The following PRTFDC1 variants were observed in gnomAD, a reference collection of about 807,000 sequenced individuals.
PRTFDC1 encodes the protein phosphoribosyltransferase domain-containing protein 1.
Under a neutral mutation model 34.6 loss-of-function variants are expected in PRTFDC1, and 38 were observed. The observed-to-expected ratio is 1.10, with a 90% CI of 0.85 to 1.44. PRTFDC1 has a LOEUF of 1.44. PRTFDC1 is among the 40% of genes most tolerant of loss of function. The pLI, the probability that PRTFDC1 is intolerant of heterozygous loss-of-function variation, is 0.00. For synonymous variants in PRTFDC1, 93 were observed against 98.1 expected, an observed-to-expected ratio of 0.95 and a Z score of 0.31; for missense variants, 270 against 283.0, an observed-to-expected ratio of 0.95 and a Z score of 0.33.
intron 3 of PRTFDC1, among the ~76,000 whole-genome samples, chr10:24,920,740 A>G (rs933234208): frequency 4.6e-5 from 7 of 152,192 alleles, no homozygotes; most frequent in African/African-American, 1.7e-4. Flanking sequence ...TAGTAGATGT[A>G]TTCTGCATAG....
At chr10:24,909,948 T>C (rs528634406) in intron 3 of PRTFDC1, among the ~76,000 whole-genome samples, 5 of 151,002 alleles carry the variant, frequency 3.3e-5, no homozygotes, top group Admixed American at 2.0e-4. Context: ...GTCGGGAGTT[T>C]GAGACAAGCC....
chr10:24,911,993 G>A (rs1286163097), intron 3 of PRTFDC1, among the ~76,000 whole-genome samples: 1 of 152,074 alleles, frequency 6.6e-6, no homozygotes. Context: ...TGCCTGCTGG[G>A]TGCTGTGGCT....
At chr10:24,912,131 C>T (rs1017881686) in intron 3 of PRTFDC1, among the ~76,000 whole-genome samples, 10 of 149,470 alleles carry the variant, frequency 6.7e-5, no homozygotes, top group African/African-American at 2.2e-4. Flanking sequence ...TGGCCAGATA[C>T]GGTGGTGCAT....
At chr10:24,914,951 C>T (rs1265025724) in intron 3 of PRTFDC1, among the ~76,000 whole-genome samples, 1 of 152,172 alleles carries the variant, frequency 6.6e-6, no homozygotes, top group Non-Finnish European at 1.5e-5. Flanking sequence ...AAAATCTTCT[C>T]ATAGGGGTCA....
At chr10:24,878,421 C>T (rs1191102413) in intron 3 of PRTFDC1, among the ~76,000 whole-genome samples, 2 of 152,198 alleles carry the variant, frequency 1.3e-5, no homozygotes, top group African/African-American at 2.4e-5. Flanking sequence ...ATAGTGGGTC[C>T]TCCCTGGAGA....
At chr10:24,908,893 G>A in intron 3 of PRTFDC1, 1 of 687,750 alleles carries the variant, frequency 1.5e-6, no homozygotes, top group Non-Finnish European at 2.3e-6. Context: ...ATGCAGGATG[G>A]AGGTCAGTTG....
intron 3 of PRTFDC1, among the ~76,000 whole-genome samples, chr10:24,895,255 T>TTTTTTC (rs1307081865): frequency 7.2e-6 from 1 of 137,950 alleles, no homozygotes; most frequent in South Asian, 2.4e-4. Flanking sequence ...TCCACTTTCT[T>TTTTTTC]TTTTTTTTTT....
chr10:24,925,338 C>T lies in PRTFDC1; in HGVS notation c.339+11846G>A, dbSNP rs190231707. 2.0e-3 allele frequency among the ~76,000 whole-genome samples: 298 copies of T among 151,848 alleles called. 2 individuals are homozygous for T. The highest frequency in any genetic ancestry group is 6.9e-3 in the African/African-American group (285 of 41,370). ...CTGTGGAGGGGGTGTCGGGGGCTGG[C>T]GGAGGGATAGCATTAGGAGAAATAA... On this transcript the variant is annotated intron_variant, in intron 3 of 8. Transcript: ENST00000320152.
intron 1 of PRTFDC1, chr10:24,951,408 GACAATA>G (rs1315617526): frequency 2.7e-6 from 1 of 372,900 alleles, no homozygotes; most frequent in African/African-American, 2.2e-5. Flanking sequence ...AACCCAGCAG[GACAATA>G]AACGTGTGGA....
intron 3 of PRTFDC1, among the ~76,000 whole-genome samples, chr10:24,873,703 A>T (rs535928684): frequency 6.6e-6 from 1 of 151,922 alleles, no homozygotes; most frequent in African/African-American, 2.4e-5. Flanking sequence ...TCCCTTAGGA[A>T]TTTTCTTGGG....
intron 3 of PRTFDC1, among the ~76,000 whole-genome samples, chr10:24,923,960 G>C (rs533259015): frequency 6.6e-6 from 1 of 152,310 alleles, no homozygotes; most frequent in African/African-American, 2.4e-5. Context: ...GAACTTAAAT[G>C]ACCTGATGGA....
rs1277034697 is a variant in PRTFDC1 at position 24,877,626 on chromosome 10, T to G, written c.340-5563A>C. On this transcript the variant is annotated intron_variant, in intron 3 of 8. Coordinates refer to ENST00000320152, the MANE Select transcript of PRTFDC1 (RefSeq NM_020200.7). The stretch of plus-strand genomic sequence containing the variant: ...AGTAGAGCTCAGAAATAGTTTCATT[T>G]TATTTTATTTTTGAGACAGAGTCTT... Among the ~76,000 whole-genome samples the G allele has an allele frequency of 2.0e-5, 3 of 152,166 alleles. No homozygotes were observed. In the South Asian group the frequency reaches 6.2e-4, roughly 32 times the overall value.
chr10:24,892,178 G>A (rs1848273894), intron 3 of PRTFDC1, among the ~76,000 whole-genome samples: 1 of 152,108 alleles, frequency 6.6e-6, no homozygotes, highest in African/African-American at 2.4e-5. Context: ...TAAGAAACAG[G>A]ATCTCATTAT....
intron 3 of PRTFDC1, among the ~76,000 whole-genome samples, chr10:24,874,910 G>C (rs72780350): frequency 6.6e-6 from 1 of 152,162 alleles, no homozygotes; most frequent in African/African-American, 2.4e-5. Context: ...TCATGATGAT[G>C]AGTGAGTTCT....
chr10:24,872,067 C>CA lies in PRTFDC1; in HGVS notation c.340-5dup, dbSNP rs1344961348. 1 of 1,599,408 alleles carries CA rather than the reference C, an allele frequency of 6.3e-7. No individual in the cohort carries two copies. Among genetic ancestry groups the CA allele is most frequent in the Non-Finnish European group, 8.5e-7 (1 of 1,171,358 alleles). On this transcript the variant is annotated splice_region_variant and splice_polypyrimidine_tract_variant and intron_variant, in intron 3 of 8. Coordinates refer to ENST00000320152, the MANE Select transcript of PRTFDC1 (RefSeq NM_020200.7). Reference sequence around the variant, plus strand: ...TCTCACCCATGGACTGGTCATTCTGCAAAAAAGAAGAAAAAAAAGGGAGAC... The same window carrying CA: ...TCTCACCCATGGACTGGTCATTCTGCAAAAAAAGAAGAAAAAAAAGGGAGAC...
At chr10:24,861,291 A>G (rs1411998943) in intron 4 of PRTFDC1, among the ~76,000 whole-genome samples, 1 of 152,164 alleles carries the variant, frequency 6.6e-6, no homozygotes, top group Non-Finnish European at 1.5e-5. Context: ...ACCTGAGGTC[A>G]GGAGTTCGAG....
intron 3 of PRTFDC1, among the ~76,000 whole-genome samples, chr10:24,880,869 T>TTCCC (rs1477851625): frequency 2.0e-4 from 30 of 146,606 alleles, no homozygotes; most frequent in African/African-American, 7.7e-4. Flanking sequence ...CTTTCTTTCT[T>TTCCC]TCTTTCTTTC....
chr10:24,898,569 G>A (rs76359359), intron 3 of PRTFDC1, among the ~76,000 whole-genome samples: 112 of 151,690 alleles, frequency 7.4e-4, no homozygotes, highest in African/African-American at 2.1e-3. Context: ...AGATGGCTTC[G>A]GGTCTCCCTC....
chr10:24,927,381 A>C (rs1164839073), intron 3 of PRTFDC1, among the ~76,000 whole-genome samples: 1 of 152,178 alleles, frequency 6.6e-6, no homozygotes. Context: ...TTAATTTTTA[A>C]TGATTTATAT....
Sources: allele counts gnomAD v4.1 joint callset (sites outside exome capture counted in the v4.1 genomes callset), GRCh38; gene constraint gnomAD v4.1.1; transcripts MANE v1.5; gene names NCBI Gene and HGNC (gene_info 2026-07-23, HGNC 2026-07-21).